The following GGCX variants were observed in gnomAD, a reference collection of about 807,000 sequenced individuals.
GGCX encodes the protein gamma-glutamyl carboxylase.
In GGCX, 63 loss-of-function variants were observed where a neutral mutation model predicts 88.5. That is an observed-to-expected ratio of 0.71 (90% CI 0.58 to 0.88). GGCX has a LOEUF of 0.88. Ranked by LOEUF, GGCX falls within the 40% of genes least tolerant of loss-of-function variation. GGCX has a pLI of 0.00. For missense variants in GGCX, 805 were observed against 932.9 expected, an observed-to-expected ratio of 0.86 and a Z score of 1.79; for synonymous variants, 368 against 365.8, an observed-to-expected ratio of 1.01 and a Z score of -0.07.
At chr2:85,554,416 G>A (rs1264486170) in intron 6 of GGCX, 110 bp from the exon 7 acceptor site, 2 of 911,622 alleles carry the variant, frequency 2.2e-6, no homozygotes, top group Non-Finnish European at 3.7e-6. Flanking sequence ...AGATGCCTAA[G>A]GTACATAATC....
At chr2:85,552,690 T>C in intron 9 of GGCX, 123 bp from the exon 10 acceptor site, 1 of 1,103,736 alleles carries the variant, frequency 9.1e-7, no homozygotes. Flanking sequence ...AAAATGGAAC[T>C]TGCCTTTGGG....
chr2:85,556,724 CCTG>C (rs1400889139), intron 4 of GGCX, among the ~76,000 whole-genome samples: 1 of 152,142 alleles, frequency 6.6e-6, no homozygotes, highest in African/African-American at 2.4e-5. Flanking sequence ...TAAGAGGGTT[CCTG>C]CTAACAGCTT....
Position 85,560,976 on chromosome 2 carries a change from T to C in GGCX, c.53A>G (p.Gln18Arg). ...ARTSPSSDKVQKDKAELISGP... is the reference protein window; with the variant it reads ...ARTSPSSDKVRKDKAELISGP... ...TGAGATCAGTTCAGCCTTGTCTTTC[T>C]GTACTTTATCTGCAATCAATAAATG... is the stretch of plus-strand genomic sequence containing the variant. Residue 18 changes from glutamine (Q) to arginine (R), a missense_variant, in exon 2 of 15, where the codon CAG becomes CGG. By Grantham distance (43) the Gln-to-Arg change is conservative (BLOSUM62 1). Transcript: ENST00000233838. The C allele has an allele frequency of 6.2e-7, 1 of 1,613,424 alleles. No individual in the cohort carries two copies. Among genetic ancestry groups the C allele is most frequent in the Non-Finnish European group, 8.5e-7 (1 of 1,179,310 alleles).
rs192108694 is a variant in GGCX, at chr2:85,550,625, G to A, written c.2014C>T (p.Arg672Trp). ...CGCTCATGGAAAGGAGTATTTCGCC[G>A]GCGTTCAATCTCCTGGAGCCTTTGT... ...RQQRLQEIER[R>W]RNTPFHERFF... The change falls in exon 14 of 15, where the codon CGG (arginine) becomes TGG (tryptophan). Residue 672 changes from arginine to tryptophan, a missense_variant. By Grantham distance (101) the Arg-to-Trp change is moderately radical. This residue lies in a region of GGCX where 680 missense variants were observed against 763.7 expected (regional missense o/e 0.89). Coordinates refer to ENST00000233838, the MANE Select transcript of GGCX (RefSeq NM_000821.7). 3.7e-5 allele frequency: 59 copies of A among 1,613,800 alleles called. No individual in the cohort carries two copies. The highest frequency in any genetic ancestry group is 4.6e-5 in the Non-Finnish European group (54 of 1,179,816).
chr2:85,554,870 G>A lies in GGCX; in HGVS notation c.726-564C>T, dbSNP rs926793491. 4.4e-5 allele frequency: 8 copies of A among 182,708 alleles called. No homozygotes were observed. The East Asian group carries it at 1.0e-3, about 24-fold the overall frequency. The allele number at this position is 182,708 out of a possible 1,614,324, so 11.3% of individuals were successfully genotyped here. ...AGGACAAAATTTGACTGAGATGTGTGTGTGTTGTGGAAGGGACGTTCCCCA... is the reference window on the plus strand; with the variant it reads ...AGGACAAAATTTGACTGAGATGTGTATGTGTTGTGGAAGGGACGTTCCCCA... On this transcript the variant is annotated intron_variant, in intron 6 of 14. Coordinates refer to ENST00000233838, the MANE Select transcript of GGCX (RefSeq NM_000821.7).
chr2:85,552,025 C>T (rs1691981416), intron 10 of GGCX, 44 bp from the exon 11 acceptor site: 2 of 1,425,822 alleles, frequency 1.4e-6, no homozygotes, highest in Non-Finnish European at 2.0e-6. Flanking sequence ...CAGCCACCCA[C>T]CCACCAGAAC....
At chr2:85,552,859 G>T in intron 9 of GGCX, 80 bp downstream of exon 9, 1 of 1,482,022 alleles carries the variant, frequency 6.7e-7, no homozygotes, top group Non-Finnish European at 9.4e-7. Flanking sequence ...TTTGCTTTAT[G>T]GTGTGTGTAA....
At chr2:85,553,815 G>T (rs942746178) in intron 7 of GGCX, 1 of 461,040 alleles carries the variant, frequency 2.2e-6, no homozygotes, top group South Asian at 2.1e-5. Context: ...TGGTCAGGCC[G>T]GTCTCGAACT....
intron 1 of GGCX, 69 bp downstream of exon 1, chr2:85,561,317 C>T (rs2103996553): frequency 9.6e-7 from 1 of 1,038,476 alleles, no homozygotes; most frequent in Middle Eastern, 2.9e-4. Context: ...TGGGCGTCCT[C>T]CCGCCCCCGC....
chr2:85,546,515 A>G lies in GGCX; in HGVS notation c.*3419T>C, dbSNP rs562243442. ...GTGGATCACCTGAGGTCACGGTTTG[A>G]TACCAGCCTGGCAAACTGAAACCCC... On this transcript the variant is annotated 3_prime_UTR_variant, in exon 15 of 15. Transcript: ENST00000233838. The G allele has an allele frequency of 2.8e-4, 40 of 140,676 alleles. No individual in the cohort carries two copies. Among genetic ancestry groups the G allele is most frequent in the African/African-American group, 1.2e-3 (40 of 34,672 alleles). The allele number at this position is 140,676 out of a possible 1,614,324, so 8.7% of individuals were successfully genotyped here. A position where few individuals can be genotyped will look rare whatever the true frequency, so the allele number is the denominator to read the frequency against.
At chr2:85,559,814 C>T (rs145102740) in intron 2 of GGCX, among the ~76,000 whole-genome samples, 2,853 of 152,248 alleles carry the variant, frequency 0.019, 40 homozygotes, top group Middle Eastern at 0.034. Context: ...TTCGTCAACA[C>T]CCTGGGAATA....
At chr2:85,551,094 A>G (rs1691928935) in intron 12 of GGCX, 22 bp from the exon 13 acceptor site, 7 of 1,611,248 alleles carry the variant, frequency 4.3e-6, no homozygotes, top group Non-Finnish European at 5.9e-6. Flanking sequence ...GAAGAAATGG[A>G]TAAATTTCAT....
chr2:85,554,698 GCT>G, intron 6 of GGCX: 1 of 280,690 alleles, frequency 3.6e-6, no homozygotes, highest in South Asian at 3.8e-5. Flanking sequence ...GAACTCCTGG[GCT>G]CAAGCAATCC....
At position 85,546,957 on chromosome 2, in the gene GGCX, A is replaced by C. The variant is rs1243629240; in HGVS notation, c.*2977T>G. ...AATAGCATGAGAAGTTTTCAAAAGT[A>C]ACCGCTTTAAGGTTATGTTCAGTAT... On this transcript the variant is annotated 3_prime_UTR_variant, in exon 15 of 15. Coordinates refer to ENST00000233838, the MANE Select transcript of GGCX (RefSeq NM_000821.7). The C allele has an allele frequency of 6.6e-6, 1 of 152,234 alleles. No individual in the cohort carries two copies. The highest frequency in any genetic ancestry group is 1.5e-5 in the Non-Finnish European group (1 of 68,056). 9.4% of individuals were successfully genotyped at this position (152,234 alleles called of 1,614,324 possible). A position where few individuals can be genotyped will look rare whatever the true frequency, so the allele number is the denominator to read the frequency against.
rs558486353 is a variant in GGCX at position 85,554,035 on chromosome 2, A to G, written c.889+108T>C. 6.8e-6 allele frequency: 6 copies of G among 888,050 alleles called. No individual in the cohort carries two copies. In the African/African-American group the frequency reaches 8.2e-5, roughly 12 times the overall value. The allele number at this position is 888,050 out of a possible 1,614,324, so 55.0% of individuals were successfully genotyped here. ...CTTCATAGTGACTGCCCTGGGTTCA[A>G]TTTAGCTCCTGCTCACACCACCCTC... On this transcript the variant is annotated intron_variant, in intron 7 of 14. Transcript: ENST00000233838.
Position 85,548,155 on chromosome 2 carries a change from C to A in GGCX, c.*1779G>T, listed in dbSNP as rs976028915. Reference sequence around the variant, plus strand: ...GTGGCTGCAGTAAGCCAAGATTGTGCCACTGAACTCCAGCCTGGGTGATAG... The same window carrying A: ...GTGGCTGCAGTAAGCCAAGATTGTGACACTGAACTCCAGCCTGGGTGATAG... On this transcript the variant is annotated 3_prime_UTR_variant, in exon 15 of 15. Transcript: ENST00000233838. The A allele has an allele frequency of 1.3e-5, 2 of 151,994 alleles. No individual in the cohort carries two copies. The highest frequency in any genetic ancestry group is 1.3e-4 in the Admixed American group (2 of 15,254). The allele number at this position is 151,994 out of a possible 1,614,324, so 9.4% of individuals were successfully genotyped here.
rs77230493 is a variant in GGCX, at chr2:85,552,164, A to G, written c.1440-183T>C. Among the ~76,000 whole-genome samples the G allele has an allele frequency of 3.2e-3, 491 of 152,284 alleles. 4 individuals carry two copies. The highest frequency in any genetic ancestry group is 0.012 in the African/African-American group (485 of 41,578). ...AGAAGAGATCTGGAGCACTGGGTAT[A>G]ATGGGGGTTAGTAGCTACCTGAGAA... On this transcript the variant is annotated intron_variant, in intron 10 of 14. Transcript: ENST00000233838.
chr2:85,550,998 G>C lies in GGCX; in HGVS notation c.1815C>G (p.Asn605Lys), dbSNP rs1375142657. ...CTTGCTCCAGTGCAAGCTCTGTAGTGTTGACATAGACGTACATGTAGCAAG... is the reference window on the plus strand; with the variant it reads ...CTTGCTCCAGTGCAAGCTCTGTAGTCTTGACATAGACGTACATGTAGCAAG... ...SPSCYMYVYVNTTELALEQDL... is the reference protein window; with the variant it reads ...SPSCYMYVYVKTTELALEQDL... Residue 605 changes from asparagine to lysine, a missense_variant, in exon 13 of 15, where the codon AAC becomes AAG. This residue lies in a region of GGCX where 680 missense variants were observed against 763.7 expected (regional missense o/e 0.89). Coordinates refer to ENST00000233838, the MANE Select transcript of GGCX (RefSeq NM_000821.7). 17 of 1,613,354 alleles carry C rather than the reference G, an allele frequency of 1.1e-5. No homozygotes were observed. Among genetic ancestry groups the C allele is most frequent in the Non-Finnish European group, 6.8e-6 (8 of 1,179,370 alleles).
At chr2:85,559,247 T>TC (rs1236717535) in intron 2 of GGCX, among the ~76,000 whole-genome samples, 172 bp from the exon 3 acceptor site, 1 of 152,204 alleles carries the variant, frequency 6.6e-6, no homozygotes, top group African/African-American at 2.4e-5. Context: ...GTACTACATC[T>TC]GTTGTGCCAT....
Sources: gnomAD v4.1 joint callset for allele counts (sites outside exome capture counted in the v4.1 genomes callset) on GRCh38, gnomAD v4.1.1 for gene constraint, gnomAD v4.1.1 regional missense constraint, MANE v1.5 for transcripts, NCBI Gene and HGNC (gene_info 2026-07-23, HGNC 2026-07-21) for gene names.